The following DNMT3B variants were observed in gnomAD, a reference collection of about 807,000 sequenced individuals.
DNMT3B encodes the protein DNA (cytosine-5)-methyltransferase 3B.
A neutral mutation model predicts 120.2 loss-of-function variants in DNMT3B; 37 were observed. The observed-to-expected ratio is 0.31, with a 90% CI of 0.24 to 0.40. DNMT3B has a LOEUF of 0.40. Among genes scored for constraint, DNMT3B ranks in the 10% least tolerant of loss-of-function variants. DNMT3B has a pLI of 1.00. For synonymous variants in DNMT3B, 412 were observed against 442.8 expected, an observed-to-expected ratio of 0.93 and a Z score of 0.87; for missense variants, 878 against 1,137.3, an observed-to-expected ratio of 0.77 and a Z score of 3.28.
At chr20:32,790,527 G>T (rs1026037105) in intron 7 of DNMT3B, among the ~76,000 whole-genome samples, 5 of 124,040 alleles carry the variant, frequency 4.0e-5, no homozygotes, top group African/African-American at 1.4e-4. Flanking sequence ...GTGTTGGAGC[G>T]GTTTCCCCCC....
At chr20:32,787,135 T>A in intron 5 of DNMT3B, 95 bp from the exon 6 acceptor site, 1 of 1,453,100 alleles carries the variant, frequency 6.9e-7, no homozygotes, top group Non-Finnish European at 9.7e-7. Flanking sequence ...GTCTTTCCTC[T>A]TTCTTTTTGC....
At chr20:32,776,314 T>C (rs1420497861) in intron 1 of DNMT3B, among the ~76,000 whole-genome samples, 1 of 152,180 alleles carries the variant, frequency 6.6e-6, no homozygotes, top group Non-Finnish European at 1.5e-5. Flanking sequence ...CTACTTAATG[T>C]TACAGTGGCA....
intron 14 of DNMT3B, among the ~76,000 whole-genome samples, chr20:32,797,917 C>T (rs1980839602): frequency 6.6e-6 from 1 of 152,196 alleles, no homozygotes; most frequent in African/African-American, 2.4e-5. Context: ...GCCCCAGCCT[C>T]TCAAATCCCA....
chr20:32,795,138 C>A (rs935775196), intron 10 of DNMT3B, among the ~76,000 whole-genome samples: 1 of 152,178 alleles, frequency 6.6e-6, no homozygotes, highest in Non-Finnish European at 1.5e-5. Flanking sequence ...AGCTTTGAAT[C>A]GAGCTTTGCT....
At chr20:32,776,941 G>A (rs1455567851) in intron 1 of DNMT3B, among the ~76,000 whole-genome samples, 1 of 152,202 alleles carries the variant, frequency 6.6e-6, no homozygotes, top group South Asian at 2.1e-4. Flanking sequence ...CTGAAGCGGG[G>A]TGGGGGAGGA....
intron 1 of DNMT3B, among the ~76,000 whole-genome samples, chr20:32,773,934 G>GTTTT (rs1161730284): frequency 0.15 from 10,597 of 69,140 alleles, 2,765 homozygotes; most frequent in East Asian, 0.51. Flanking sequence ...CCCGGCAGTG[G>GTTTT]TTTTTTTTTT....
chr20:32,798,408 A>C, intron 14 of DNMT3B, 52 bp from the exon 15 acceptor site: 1 of 1,610,954 alleles, frequency 6.2e-7, no homozygotes, highest in Non-Finnish European at 8.5e-7. Context: ...AGGGGGTGGC[A>C]CAGGAGACCA....
chr20:32,769,810 C>T (rs1423552931), intron 1 of DNMT3B, among the ~76,000 whole-genome samples: 3 of 151,898 alleles, frequency 2.0e-5, no homozygotes, highest in South Asian at 2.1e-4. Flanking sequence ...TGCAGTGGCA[C>T]GATTTGGCAC....
chr20:32,797,720 C>T (rs1384409403), intron 14 of DNMT3B, among the ~76,000 whole-genome samples: 1 of 151,292 alleles, frequency 6.6e-6, no homozygotes, highest in Non-Finnish European at 1.5e-5. Flanking sequence ...AATGCAGTGG[C>T]ACAATCTTGG....
intron 18 of DNMT3B, 98 bp downstream of exon 18, chr20:32,801,023 A>T (rs1010246945): frequency 1.3e-5 from 19 of 1,459,890 alleles, no homozygotes; most frequent in East Asian, 9.1e-5. Context: ...GCTTCTGGCC[A>T]AGTTACTGGC....
At position 32,787,272 on chromosome 20, in the gene DNMT3B, C is replaced by T. The variant is rs1979415449; in HGVS notation, c.475C>T (p.Pro159Ser). Residue 159 changes from proline to serine, a missense_variant, in exon 6 of 23, where the codon CCG becomes TCG. By Grantham distance (74) the Pro-to-Ser change is moderately conservative. Transcript: ENST00000328111. ...AACAGCATCGGCAGGAACGCCATGG[C>T]CGTCCCCTCCCAGCTCTTACCTTAC... is the stretch of plus-strand genomic sequence containing the variant. ...RATASAGTPW[P>S]SPPSSYLTID... 4 of 1,614,118 alleles carry T rather than the reference C, an allele frequency of 2.5e-6. No individual in the cohort carries two copies. In the African/African-American group the frequency reaches 4.0e-5, roughly 16 times the overall value.
At chr20:32,787,167 C>T (rs550345414) in intron 5 of DNMT3B, 63 bp from the exon 6 acceptor site, 8 of 1,592,004 alleles carry the variant, frequency 5.0e-6, no homozygotes, top group East Asian at 2.2e-5. Flanking sequence ...ATGGGGGTGC[C>T]GTTGGTCTCT....
intron 10 of DNMT3B, among the ~76,000 whole-genome samples, chr20:32,794,341 T>TCAA (rs1372973876): frequency 8.0e-5 from 3 of 37,456 alleles, no homozygotes; most frequent in African/African-American, 1.8e-4. Flanking sequence ...AGAACCTGTC[T>TCAA]CAAAAAAAAA....
At chr20:32,772,195 G>C (rs1987784878) in intron 1 of DNMT3B, among the ~76,000 whole-genome samples, 1 of 152,168 alleles carries the variant, frequency 6.6e-6, no homozygotes, top group Non-Finnish European at 1.5e-5. Flanking sequence ...GCCTTGGCGA[G>C]AGCTTTGAAC....
In DNMT3B at chr20:32,788,862, G is replaced by A; in HGVS notation, c.663G>A (p.Lys221=). ...DGDSSEYQDG[K]EFGIGDLVWG... ...TGTGGGTTTTCTTCCAGGATGGGAA[G>A]GAGTTTGGAATAGGGGACCTCGTGT... The change falls in exon 7 of 23, where the codon AAG becomes AAA. Residue 221 remains lysine (K), a synonymous_variant. Transcript: ENST00000328111. 1.2e-6 allele frequency: 2 copies of A among 1,614,108 alleles called. No homozygotes were observed. Among genetic ancestry groups the A allele is most frequent in the Non-Finnish European group, 1.7e-6 (2 of 1,180,032 alleles).
Position 32,789,311 on chromosome 20 carries a change from G to T in DNMT3B, c.813+299G>T, listed in dbSNP as rs77042708. ...ACTCTGAGGGGCCAGGAGTGGCCAC[G>T]TGAGCAAGTACCCAAAAGTGTTCAG... On this transcript the variant is annotated intron_variant, in intron 7 of 22. Coordinates refer to ENST00000328111, the MANE Select transcript of DNMT3B (RefSeq NM_006892.4). Among the ~76,000 whole-genome samples, 842 of 152,292 alleles carry T rather than the reference G, an allele frequency of 5.5e-3. 8 individuals carry two copies. The highest frequency in any genetic ancestry group is 0.019 in the African/African-American group (796 of 41,554).
In DNMT3B at chr20:32,809,253, G is replaced by GA. The variant is rs1351360741; in HGVS notation, c.*1356dup. On this transcript the variant is annotated 3_prime_UTR_variant, in exon 23 of 23. Transcript: ENST00000328111. Reference sequence around the variant, plus strand: ...GGAGCCACGACGTAACAAATATGGGGAAAAAACTGTGCCTTGTTTCAACAG... The same window carrying GA: ...GGAGCCACGACGTAACAAATATGGGGAAAAAAACTGTGCCTTGTTTCAACAG... The GA allele has an allele frequency of 9.1e-6, 2 of 219,208 alleles. No homozygotes were observed. The highest frequency in any genetic ancestry group is 4.5e-5 in the African/African-American group (2 of 44,458). 13.6% of individuals were successfully genotyped at this position (219,208 alleles called of 1,614,324 possible).
At chr20:32,799,451 C>T in intron 16 of DNMT3B, 123 bp downstream of exon 16, 2 of 1,087,468 alleles carry the variant, frequency 1.8e-6, no homozygotes, top group South Asian at 2.7e-5. Context: ...ATTACCAGCC[C>T]TGAAAAAAAC....
intron 2 of DNMT3B, among the ~76,000 whole-genome samples, chr20:32,781,071 G>A (rs1978564903): frequency 1.3e-5 from 2 of 152,240 alleles, no homozygotes; most frequent in Non-Finnish European, 1.5e-5. Flanking sequence ...AGTGGTCCCT[G>A]GATGGGCAGC....
Sources: gnomAD v4.1 joint callset for allele counts (sites outside exome capture counted in the v4.1 genomes callset) on GRCh38, gnomAD v4.1.1 for gene constraint, MANE v1.5 for transcripts, NCBI Gene and HGNC (gene_info 2026-07-23, HGNC 2026-07-21) for gene names.